The following STOX2 variants were observed in gnomAD, a reference collection of about 807,000 sequenced individuals.
The protein encoded by STOX2 is storkhead-box protein 2.
A neutral mutation model predicts 60.9 loss-of-function variants in STOX2; 28 were observed. That is an observed-to-expected ratio of 0.46 (90% CI 0.34 to 0.63). The LOEUF (loss-of-function observed/expected upper bound fraction) is 0.63. Among genes scored for constraint, STOX2 ranks in the 30% least tolerant of loss-of-function variants. The pLI, the probability that STOX2 is intolerant of heterozygous loss-of-function variation, is 0.01. For missense variants in STOX2, 1,024 were observed against 1,187.7 expected, an observed-to-expected ratio of 0.86 and a Z score of 2.03; for synonymous variants, 472 against 463.9, an observed-to-expected ratio of 1.02 and a Z score of -0.22.
chr4:183,862,631 C>T (rs1280177966), intron 1 of STOX2, among the ~76,000 whole-genome samples: 1 of 152,200 alleles, frequency 6.6e-6, no homozygotes, highest in Non-Finnish European at 1.5e-5. Flanking sequence ...GCGGGAGAGG[C>T]TGGCACGCAT....
chr4:183,963,718 AC>A (rs1743478723), intron 1 of STOX2, among the ~76,000 whole-genome samples: 1 of 144,922 alleles, frequency 6.9e-6, no homozygotes, highest in Non-Finnish European at 1.5e-5. Flanking sequence ...GAGCCACCAC[AC>A]CCGGCCTAAA....
At chr4:183,970,719 G>C (rs1743719264) in intron 1 of STOX2, among the ~76,000 whole-genome samples, 1 of 152,252 alleles carries the variant, frequency 6.6e-6, no homozygotes, top group Non-Finnish European at 1.5e-5. Context: ...CCAGCAGCCA[G>C]AGATTAAAAT....
At chr4:183,890,962 T>C (rs1017388528) in intron 1 of STOX2, among the ~76,000 whole-genome samples, 4 of 151,924 alleles carry the variant, frequency 2.6e-5, no homozygotes, top group African/African-American at 9.7e-5. Context: ...TTTTAAAAAA[T>C]AGGTGGGCAT....
chr4:183,927,997 C>A (rs536309967), intron 1 of STOX2, among the ~76,000 whole-genome samples: 1 of 152,316 alleles, frequency 6.6e-6, no homozygotes, highest in African/African-American at 2.4e-5. Flanking sequence ...ATAGGACCAG[C>A]ATGATGGTCA....
intron 1 of STOX2, among the ~76,000 whole-genome samples, chr4:183,839,177 T>C (rs1345511010): frequency 6.6e-6 from 1 of 152,160 alleles, no homozygotes; most frequent in Non-Finnish European, 1.5e-5. Context: ...GTCAGTCTTT[T>C]TCTCTTAAGG....
chr4:183,972,198 G>A (rs1038196358), intron 1 of STOX2, among the ~76,000 whole-genome samples: 6 of 152,172 alleles, frequency 3.9e-5, no homozygotes, highest in Admixed American at 2.6e-4. Flanking sequence ...TCTGATGAAG[G>A]GAACTGTGGT....
At chr4:183,997,495 G>A (rs577744453) in intron 1 of STOX2, among the ~76,000 whole-genome samples, 34 of 152,324 alleles carry the variant, frequency 2.2e-4, no homozygotes, top group African/African-American at 7.5e-4. Flanking sequence ...ATTTTATGCA[G>A]GGAAGTGGTG....
At chr4:183,867,479 G>A (rs1740597800) in intron 1 of STOX2, among the ~76,000 whole-genome samples, 1 of 152,194 alleles carries the variant, frequency 6.6e-6, no homozygotes, top group Non-Finnish European at 1.5e-5. Context: ...TGAGCTTTCA[G>A]CGAATGCTGT....
At chr4:183,802,670 A>T (rs193114406) in intron 1 of STOX2, among the ~76,000 whole-genome samples, 1 of 150,440 alleles carries the variant, frequency 6.6e-6, no homozygotes, top group Non-Finnish European at 1.5e-5. Flanking sequence ...CAGTGGTGCG[A>T]TCTCGGCTCA....
intron 1 of STOX2, among the ~76,000 whole-genome samples, chr4:183,819,774 A>G (rs959604027): frequency 6.6e-6 from 1 of 152,208 alleles, no homozygotes; most frequent in Non-Finnish European, 1.5e-5. Flanking sequence ...GCATCGCCCC[A>G]CTAAATCACA....
At position 184,008,384 on chromosome 4, in the gene STOX2, G is replaced by A. The variant is rs142251872; in HGVS notation, c.320-774G>A. On this transcript the variant is annotated intron_variant, in intron 2 of 3. Transcript: ENST00000308497. ...GAAGCTTTCATCATTTTCATCTGGT[G>A]TGTCTATTCTAGCCAATATGGGAAT... Among the ~76,000 whole-genome samples the A allele has an allele frequency of 2.3e-3, 353 of 152,322 alleles. 2 individuals carry two copies. The highest frequency in any genetic ancestry group is 8.0e-3 in the African/African-American group (332 of 41,574).
chr4:183,885,182 C>A (rs916239813), intron 1 of STOX2, among the ~76,000 whole-genome samples: 1 of 152,118 alleles, frequency 6.6e-6, no homozygotes, highest in African/African-American at 2.4e-5. Flanking sequence ...CCCACCGCCC[C>A]CCACCCACCT....
intron 1 of STOX2, among the ~76,000 whole-genome samples, chr4:183,963,809 T>A (rs1441689010): frequency 5.0e-5 from 7 of 140,324 alleles, no homozygotes; most frequent in South Asian, 2.3e-4. Flanking sequence ...GGAGTCTCGC[T>A]CTGTCACCCA....
chr4:184,004,533 G>A (rs548662405), intron 2 of STOX2, among the ~76,000 whole-genome samples: 3 of 152,280 alleles, frequency 2.0e-5, no homozygotes, highest in East Asian at 3.9e-4. Context: ...CCGGGAGGCC[G>A]AGCTTGCAGT....
chr4:183,813,513 A>T (rs980574087), intron 1 of STOX2, among the ~76,000 whole-genome samples: 3 of 152,220 alleles, frequency 2.0e-5, no homozygotes, highest in Non-Finnish European at 2.9e-5. Flanking sequence ...ATACTCTGCC[A>T]TTTGATGTCA....
intron 1 of STOX2, among the ~76,000 whole-genome samples, chr4:183,889,849 G>C (rs928912039): frequency 6.6e-6 from 1 of 152,082 alleles, no homozygotes; most frequent in Non-Finnish European, 1.5e-5. Flanking sequence ...TTTTCTCTGT[G>C]GTAATACTTT....
chr4:184,018,368 C>T lies in STOX2; in HGVS notation c.*1084C>T, dbSNP rs938073243. ...AATTTTTAGTGGTTGTAGGAAAGAG[C>T]AAATTTAGGGAGTGTTGAACTTCAG... is the stretch of plus-strand genomic sequence containing the variant. On this transcript the variant is annotated 3_prime_UTR_variant, in exon 4 of 4. Coordinates refer to ENST00000308497, the MANE Select transcript of STOX2 (RefSeq NM_020225.3). 2.6e-5 allele frequency: 4 copies of T among 152,086 alleles called. No homozygotes were observed. Among genetic ancestry groups the T allele is most frequent in the African/African-American group, 9.7e-5 (4 of 41,414 alleles). 9.4% of individuals were successfully genotyped at this position (152,086 alleles called of 1,614,324 possible).
chr4:183,911,418 G>A (rs1345725423), intron 1 of STOX2, among the ~76,000 whole-genome samples: 2 of 152,092 alleles, frequency 1.3e-5, no homozygotes, highest in Non-Finnish European at 2.9e-5. Context: ...TCCATTTTCA[G>A]CCTAGCCGCT....
chr4:183,847,811 G>A (rs746153289), intron 1 of STOX2, among the ~76,000 whole-genome samples: 1 of 152,292 alleles, frequency 6.6e-6, no homozygotes, highest in East Asian at 1.9e-4. Context: ...AGCTGTTTCT[G>A]TACAGGAACA....
Sources: allele counts gnomAD v4.1 joint callset (sites outside exome capture counted in the v4.1 genomes callset), GRCh38; gene constraint gnomAD v4.1.1; transcripts MANE v1.5; gene names NCBI Gene and HGNC (gene_info 2026-07-23, HGNC 2026-07-21).